Variants in SHANK1 observed in about 807,000 individuals in gnomAD.
SHANK1 encodes the protein SH3 and multiple ankyrin repeat domains protein 1.
A neutral mutation model predicts 165.6 loss-of-function variants in SHANK1; 35 were observed. The ratio of observed to expected loss-of-function variants is 0.21; its 90% CI spans 0.16 to 0.28. The LOEUF (loss-of-function observed/expected upper bound fraction) is 0.28. Among genes scored for constraint, SHANK1 ranks in the 10% least tolerant of loss-of-function variants. The pLI is 1.00. For synonymous variants in SHANK1, 1,428 were observed against 1,384.8 expected (o/e 1.03, Z -0.69); for missense variants, 2,681 against 3,036.4 (o/e 0.88, Z 2.75).
Position 50,662,790 on chromosome 19 carries a change from A to C in SHANK1, c.5769-108T>G. Reference sequence around the variant, plus strand: ...TATAGGGAGAGAGGAGGAGAGACATAAGGGTAGGGGGAGAGACGGAGGAGA... The same window carrying C: ...TATAGGGAGAGAGGAGGAGAGACATCAGGGTAGGGGGAGAGACGGAGGAGA... On this transcript the variant is annotated intron_variant, in intron 23 of 23. Transcript: ENST00000293441. The surrounding 1 kb of genome is among the most constrained non-coding windows in gnomAD (Gnocchi z 7.7). The C allele has an allele frequency of 4.8e-5, 52 of 1,077,040 alleles. No individual in the cohort carries two copies. The highest frequency in any genetic ancestry group is 6.7e-5 in the Non-Finnish European group (50 of 742,390). The allele number at this position is 1,077,040 out of a possible 1,614,324, so 66.7% of individuals were successfully genotyped here.
Position 50,668,671 on chromosome 19 carries a change from A to C in SHANK1, c.3289T>G (p.Tyr1097Asp). The part of the protein sequence containing the change: ...LPPRAASAAM[Y>D]VPARSGRGRK... Reference sequence around the variant, plus strand: ...CCGCGGCCCGAGCGGGCGGGCACGTACATGGCTGCGCTGGCCGCCCGCGGG... The same window carrying C: ...CCGCGGCCCGAGCGGGCGGGCACGTCCATGGCTGCGCTGGCCGCCCGCGGG... Residue 1097 changes from tyrosine (Y) to aspartate (D), a missense_variant, in exon 23 of 24, where the codon TAC becomes GAC. Around this residue, in one of 10 missense-constraint regions of SHANK1, gnomAD observed 1,713 missense variants for 1,630.2 expected, o/e 1.05. Transcript: ENST00000293441. The C allele has an allele frequency of 4.5e-6, 6 of 1,345,952 alleles. No homozygotes were observed. The highest frequency in any genetic ancestry group is 4.8e-6 in the Non-Finnish European group (5 of 1,052,086). The allele number at this position is 1,345,952 out of a possible 1,614,324, so 83.4% of individuals were successfully genotyped here. A position where few individuals can be genotyped will look rare whatever the true frequency, so the allele number is the denominator to read the frequency against.
rs991575135 is a variant in SHANK1, at chr19:50,718,430, G to A, written c.-44+976C>T. ...ACCCCGCTCGGAGGGGGTGGCCGGT[G>A]GGATGAAAGAAAAGCTGGCTAGGGC... is the stretch of plus-strand genomic sequence containing the variant. On this transcript the variant is annotated intron_variant, in intron 1 of 23. Coordinates refer to ENST00000293441, the MANE Select transcript of SHANK1 (RefSeq NM_016148.5). This position sits in a 1 kb window ranked among gnomAD's most constrained non-coding sequence, Gnocchi z 5.1. Among the ~76,000 whole-genome samples the A allele has an allele frequency of 5.9e-5, 9 of 152,032 alleles. No individual in the cohort carries two copies. The highest frequency in any genetic ancestry group is 1.2e-4 in the Non-Finnish European group (8 of 67,976).
chr19:50,704,488 A>T lies in SHANK1; in HGVS notation c.1104T>A (p.Tyr368Ter). The T allele has an allele frequency of 6.2e-7, 1 of 1,614,080 alleles. No homozygotes were observed. Among genetic ancestry groups the T allele is most frequent in the Non-Finnish European group, 8.5e-7 (1 of 1,180,006 alleles). The change falls in exon 9 of 24, where the codon TAT (tyrosine) becomes TAA (stop). Residue 368 changes from tyrosine (Y) to a stop codon, truncating the protein, a stop_gained. Coordinates refer to ENST00000293441, the MANE Select transcript of SHANK1 (RefSeq NM_016148.5). LOFTEE classifies it high-confidence loss of function. ...NKETCARILL[Y>*]RGADKDVKNN... Reference sequence around the variant, plus strand: ...TCTTCACATCCTTGTCGGCACCTCGATACAGGAGGATCCTGGCACAGGTCT... The same window carrying T: ...TCTTCACATCCTTGTCGGCACCTCGTTACAGGAGGATCCTGGCACAGGTCT...
In SHANK1 at chr19:50,716,807, CG is replaced by C; in HGVS notation, c.112del (p.Arg38GlyfsTer35). 4 of 1,588,576 alleles carry C rather than the reference CG, an allele frequency of 2.5e-6. No homozygotes were observed. Among genetic ancestry groups the C allele is most frequent in the African/African-American group, 1.4e-5 (1 of 73,552 alleles). On this transcript the variant is annotated frameshift_variant, in exon 2 of 24. Coordinates refer to ENST00000293441, the MANE Select transcript of SHANK1 (RefSeq NM_016148.5). LOFTEE classifies it high-confidence loss of function. The surrounding 1 kb of genome is among the most constrained non-coding windows in gnomAD (Gnocchi z 8.4). The part of the protein sequence containing the change: ...SSPDGPGRGP[R>X]GTRGQGSGAP... ...CCCACTGCCCTGGCCCCGGGTCCCC[CG>C]GGGGCCTCGACCTGGCCCGTCTGGG... is the stretch of plus-strand genomic sequence containing the variant.
In SHANK1 at chr19:50,688,937, G is replaced by A. The variant is rs958954807; in HGVS notation, c.2079C>T (p.Thr693=). ...GGTACTGCAGCGCCGGGAAGGCCGG[G>A]GTGGGGGTGAACTCCTCGATGGGGG... ...AQTPIEEFTP[T]PAFPALQYLE... Residue 693 remains threonine (T), a synonymous_variant, in exon 17 of 24, where the codon ACC becomes ACT. Coordinates refer to ENST00000293441, the MANE Select transcript of SHANK1 (RefSeq NM_016148.5). This position sits in a 1 kb window ranked among gnomAD's most constrained non-coding sequence, Gnocchi z 6.7. 5.1e-6 allele frequency: 8 copies of A among 1,557,372 alleles called. No homozygotes were observed. Among genetic ancestry groups the A allele is most frequent in the Non-Finnish European group, 7.0e-6 (8 of 1,149,926 alleles).
rs554529775 is a variant in SHANK1 at position 50,676,601 on chromosome 19, C to T, written c.2578-4487G>A. Among the ~76,000 whole-genome samples, 218 of 152,272 alleles carry T rather than the reference C, an allele frequency of 1.4e-3. 1 individual carries two copies. Among genetic ancestry groups the T allele is most frequent in the African/African-American group, 5.0e-3 (206 of 41,554 alleles). On this transcript the variant is annotated intron_variant, in intron 21 of 23. Coordinates refer to ENST00000293441, the MANE Select transcript of SHANK1 (RefSeq NM_016148.5). ...TCAGATTTCGGCTCCAAGGTCTCCTCTCTGGAGAGGCTTCCTCCTGTTACT... is the reference window on the plus strand; with the variant it reads ...TCAGATTTCGGCTCCAAGGTCTCCTTTCTGGAGAGGCTTCCTCCTGTTACT...
In SHANK1 at chr19:50,718,571, G is replaced by T. The variant is rs570984027; in HGVS notation, c.-44+835C>A. Among the ~76,000 whole-genome samples the T allele has an allele frequency of 6.6e-6, 1 of 152,236 alleles. No individual in the cohort carries two copies. The highest frequency in any genetic ancestry group is 1.9e-4 in the East Asian group (1 of 5,162). ...GGGCGGCATGAATCAAACGCTCCGC[G>T]GCTAAGAATAGCTGGCACGCAGCTG... On this transcript the variant is annotated intron_variant, in intron 1 of 23. Coordinates refer to ENST00000293441, the MANE Select transcript of SHANK1 (RefSeq NM_016148.5). This position sits in a 1 kb window ranked among gnomAD's most constrained non-coding sequence, Gnocchi z 5.1.
chr19:50,701,274 C>T (rs575495585), intron 12 of SHANK1, among the ~76,000 whole-genome samples: 11 of 150,674 alleles, frequency 7.3e-5, no homozygotes, highest in South Asian at 2.1e-4. Context: ...CTCCGCCTCC[C>T]GGGTTCAAGC....
In SHANK1 at chr19:50,697,763, C is replaced by T; in HGVS notation, c.1861+80G>A. 1.3e-6 allele frequency: 2 copies of T among 1,504,478 alleles called. No homozygotes were observed. Among genetic ancestry groups the T allele is most frequent in the Non-Finnish European group, 1.8e-6 (2 of 1,082,268 alleles). 93.2% of individuals were successfully genotyped at this position (1,504,478 alleles called of 1,614,324 possible). A position where few individuals can be genotyped will look rare whatever the true frequency, so the allele number is the denominator to read the frequency against. On this transcript the variant is annotated intron_variant, in intron 13 of 23. Transcript: ENST00000293441. This position sits in a 1 kb window ranked among gnomAD's most constrained non-coding sequence, Gnocchi z 4.7. ...AAGTCTTCCCATCTACCTCCCAGTA[C>T]CCCACCCCCATTAGGAAGGGAAAGG...
intron 11 of SHANK1, among the ~76,000 whole-genome samples, 171 bp downstream of exon 11, chr19:50,703,329 G>T (rs564444194): frequency 3.0e-4 from 45 of 152,254 alleles, no homozygotes; most frequent in African/African-American, 1.1e-3. Flanking sequence ...TGCACCGGGG[G>T]TGGAGTCGGG....
Position 50,697,718 on chromosome 19 carries a change from A to G in SHANK1, c.1862-54T>C. On this transcript the variant is annotated intron_variant, in intron 13 of 23. Coordinates refer to ENST00000293441, the MANE Select transcript of SHANK1 (RefSeq NM_016148.5). This position sits in a 1 kb window ranked among gnomAD's most constrained non-coding sequence, Gnocchi z 4.7. ...CTCTTGTTTTGGAAACCACAATCCC[A>G]GCCCTAGAGCTCCTGGCCCAAGTCT... 1 of 1,578,812 alleles carries G rather than the reference A, an allele frequency of 6.3e-7. No homozygotes were observed. Among genetic ancestry groups the G allele is most frequent in the Non-Finnish European group, 8.7e-7 (1 of 1,148,384 alleles).
intron 8 of SHANK1, among the ~76,000 whole-genome samples, chr19:50,709,428 A>C (rs964821932): frequency 1.3e-4 from 20 of 152,206 alleles, no homozygotes; most frequent in Non-Finnish European, 2.9e-5. Flanking sequence ...GGCGTGAGCC[A>C]CTGCGCCCGG....
At chr19:50,695,371 C>G (rs940397355) in intron 15 of SHANK1, among the ~76,000 whole-genome samples, 3 of 146,914 alleles carry the variant, frequency 2.0e-5, no homozygotes, top group Admixed American at 2.0e-4. Context: ...AGGCTTAACC[C>G]CTTGGCGTCC....
chr19:50,710,597 C>T (rs1020017479), intron 8 of SHANK1, among the ~76,000 whole-genome samples: 2 of 152,182 alleles, frequency 1.3e-5, no homozygotes, highest in African/African-American at 2.4e-5. Context: ...CCACGAGCCC[C>T]CCTGCCTGCT....
intron 15 of SHANK1, among the ~76,000 whole-genome samples, chr19:50,691,290 C>T (rs577817688): frequency 7.9e-5 from 12 of 152,248 alleles, no homozygotes; most frequent in South Asian, 4.1e-4. Context: ...TCTAACCATG[C>T]ATTCTGTAAT....
intron 23 of SHANK1, among the ~76,000 whole-genome samples, chr19:50,665,032 C>T (rs1423932115): frequency 1.3e-5 from 2 of 152,222 alleles, no homozygotes; most frequent in African/African-American, 4.8e-5. Context: ...GCTGGGATTA[C>T]AGGCGTGAAC....
At chr19:50,695,365 T>C (rs1986704501) in intron 15 of SHANK1, among the ~76,000 whole-genome samples, 1 of 144,522 alleles carries the variant, frequency 6.9e-6, no homozygotes, top group African/African-American at 2.6e-5. Context: ...GGCGCGAGGC[T>C]TAACCCCTTG....
chr19:50,689,848 T>C (rs1401030323), intron 15 of SHANK1, among the ~76,000 whole-genome samples: 1 of 152,192 alleles, frequency 6.6e-6, no homozygotes, highest in Non-Finnish European at 1.5e-5. Flanking sequence ...TGTACTTTGA[T>C]GATACCCCTC....
intron 15 of SHANK1, among the ~76,000 whole-genome samples, chr19:50,694,822 T>C (rs1986676145): frequency 6.9e-6 from 1 of 145,602 alleles, no homozygotes; most frequent in African/African-American, 2.5e-5. Context: ...GGGGCTGGGG[T>C]TTAGCGGCGG....
Sources: gnomAD v4.1 joint callset for allele counts (sites outside exome capture counted in the v4.1 genomes callset) on GRCh38, gnomAD v4.1.1 for gene constraint, gnomAD v4.1.1 regional missense constraint, Gnocchi (gnomAD v3.1) non-coding constraint, MANE v1.5 for transcripts, NCBI Gene and HGNC (gene_info 2026-07-23, HGNC 2026-07-21) for gene names.